FKRP: variants seen among roughly 807,000 people sequenced by gnomAD.
The protein encoded by FKRP is ribitol 5-phosphate transferase FKRP.
A neutral mutation model predicts 30.6 loss-of-function variants in FKRP; 25 were observed. The ratio of observed to expected loss-of-function variants is 0.82; its 90% CI spans 0.60 to 1.14. The LOEUF (loss-of-function observed/expected upper bound fraction) is 1.14. Among genes scored for constraint, FKRP ranks in the 50% most tolerant of loss-of-function variants. The pLI is 0.00. For missense variants in FKRP, 771 were observed against 727.8 expected (o/e 1.06, Z -0.68); for synonymous variants, 358 against 342.5 (o/e 1.05, Z -0.50).
chr19:46,749,408 C>CTTTTTTTTTTTT (rs34544320), intron 3 of FKRP, among the ~76,000 whole-genome samples: 1 of 114,852 alleles, frequency 8.7e-6, no homozygotes, highest in Non-Finnish European at 1.7e-5. Context: ...CCTTTGTTTC[C>CTTTTTTTTTTTT]TTTTTTTTTT....
chr19:46,756,461 C>T lies in FKRP; in HGVS notation c.1011C>T (p.Gly337=). ...RYVVGVLEAA[G]VRYWLEGGSL... is the part of the protein sequence containing the mutation. ...TGGTGGGCGTGCTGGAGGCTGCGGG[C>T]GTGCGCTACTGGCTCGAGGGCGGCT... Residue 337 remains glycine, a synonymous_variant, in exon 4 of 4, where the codon GGC becomes GGT. Transcript: ENST00000318584. The surrounding 1 kb of genome is among the most constrained non-coding windows in gnomAD (Gnocchi z 6.6). 2 of 1,581,442 alleles carry T rather than the reference C, an allele frequency of 1.3e-6. No homozygotes were observed. Among genetic ancestry groups the T allele is most frequent in the African/African-American group, 1.3e-5 (1 of 74,540 alleles).
intron 1 of FKRP, chr19:46,747,560 AT>A (rs1193779222): frequency 2.7e-5 from 4 of 148,668 alleles, no homozygotes; most frequent in Non-Finnish European, 4.5e-5. Context: ...CGCCCGGCTA[AT>A]TTTTTTTTTA....
chr19:46,756,435 G>C lies in FKRP; in HGVS notation c.985G>C (p.Val329Leu). The change falls in exon 4 of 4, where the codon GTG becomes CTG. Residue 329 changes from valine to leucine, a missense_variant. Physicochemically the swap from Val to Leu is conservative, Grantham distance 32. Coordinates refer to ENST00000318584, the MANE Select transcript of FKRP (RefSeq NM_024301.5). The surrounding 1 kb of genome is among the most constrained non-coding windows in gnomAD (Gnocchi z 6.6). ...CGCGCTGCGCGAGACCGCCCGCTAT[G>C]TGGTGGGCGTGCTGGAGGCTGCGGG... is the stretch of plus-strand genomic sequence containing the variant. ...LRALRETARY[V>L]VGVLEAAGVR... The C allele has an allele frequency of 6.3e-7, 1 of 1,585,392 alleles. No homozygotes were observed. The highest frequency in any genetic ancestry group is 8.6e-7 in the Non-Finnish European group (1 of 1,166,184).
chr19:46,754,328 G>GCGCCCAGCC (rs2054856462), intron 3 of FKRP: 3 of 150,052 alleles, frequency 2.0e-5, no homozygotes, highest in African/African-American at 7.4e-5. Context: ...GTGAGTCACT[G>GCGCCCAGCC]TACCTGGCCC....
In FKRP at chr19:46,755,519, T is replaced by C. The variant is rs954656663; in HGVS notation, c.69T>C (p.Tyr23=). The part of the protein sequence containing the change: ...AITLNLLVLF[Y]VSWLQHQPRN... ...CCCTCAACCTTCTGGTCCTCTTCTATGTCTCGTGGCTGCAGCACCAGCCTA... is the reference window on the plus strand; with the variant it reads ...CCCTCAACCTTCTGGTCCTCTTCTACGTCTCGTGGCTGCAGCACCAGCCTA... The change falls in exon 4 of 4, where the codon TAT becomes TAC. Residue 23 remains tyrosine (Y), a synonymous_variant. Transcript: ENST00000318584. 1.9e-6 allele frequency: 3 copies of C among 1,610,782 alleles called. No individual in the cohort carries two copies. Among genetic ancestry groups the C allele is most frequent in the Non-Finnish European group, 2.5e-6 (3 of 1,178,942 alleles).
At position 46,756,078 on chromosome 19, in the gene FKRP, C is replaced by G. The variant is rs778472624; in HGVS notation, c.628C>G (p.Leu210Val). ...VLLRARDLFN[L>V]SAPLARPVGT... ...CCTGCGCGCCCGCGACCTCTTCAAC[C>G]TCTCGGCGCCCCTGGCCCGGCCGGT... Residue 210 changes from leucine to valine, a missense_variant, in exon 4 of 4, where the codon CTC (leucine) becomes GTC (valine). By Grantham distance (32) the Leu-to-Val change is conservative (BLOSUM62 1). Transcript: ENST00000318584. The surrounding 1 kb of genome is among the most constrained non-coding windows in gnomAD (Gnocchi z 6.6). The G allele has an allele frequency of 3.5e-5, 54 of 1,560,250 alleles. No individual in the cohort carries two copies. Among genetic ancestry groups the G allele is most frequent in the Non-Finnish European group, 4.5e-5 (52 of 1,162,388 alleles).
chr19:46,745,624 C>T (rs910586614), upstream of FKRP: 1 of 152,478 alleles, frequency 6.6e-6, no homozygotes, highest in East Asian at 1.9e-4. Flanking sequence ...TGGACGCTCC[C>T]ACCTCCAACC....
At chr19:46,746,405 G>A in intron 1 of FKRP, 3 of 1,052,072 alleles carry the variant, frequency 2.9e-6, no homozygotes, top group Non-Finnish European at 3.4e-6. Context: ...GGCGGCGACC[G>A]CGGCGGCCGC....
At chr19:46,749,395 G>A (rs941804113) in intron 3 of FKRP, among the ~76,000 whole-genome samples, 1 of 147,130 alleles carries the variant, frequency 6.8e-6, no homozygotes, top group African/African-American at 2.5e-5. Context: ...TTAACTCTCT[G>A]TGCCTTTGTT....
In FKRP at chr19:46,746,104, G is replaced by GGGCCA. The variant is rs2122467573; in HGVS notation, c.-253+18_-253+19insAGGCC. On this transcript the variant is annotated intron_variant, in intron 1 of 3. Coordinates refer to ENST00000318584, the MANE Select transcript of FKRP (RefSeq NM_024301.5). ...CGGCGGCAGCGGGTGAGGCCGGGCC[G>GGGCCA]GGCCGGGCCGGGTTGGGGGTCGGGG... 2 of 1,421,266 alleles carry GGGCCA rather than the reference G, an allele frequency of 1.4e-6. No individual in the cohort carries two copies. The highest frequency in any genetic ancestry group is 1.8e-6 in the Non-Finnish European group (2 of 1,087,982). 88.0% of individuals were successfully genotyped at this position (1,421,266 alleles called of 1,614,324 possible).
In FKRP at chr19:46,755,564, G is replaced by T. The variant is rs878855079; in HGVS notation, c.114G>T (p.Gly38=). 1 of 1,605,974 alleles carries T rather than the reference G, an allele frequency of 6.2e-7. No homozygotes were observed. The highest frequency in any genetic ancestry group is 1.1e-5 in the South Asian group (1 of 89,948). The change falls in exon 4 of 4, where the codon GGG becomes GGT. Residue 38 remains glycine (G), a synonymous_variant. Transcript: ENST00000318584. ...QHQPRNSRAR[G]PRRASAAGPR... The stretch of plus-strand genomic sequence containing the variant: ...AGCCTAGGAATTCCCGGGCCCGGGG[G>T]CCCCGTCGTGCCTCTGCTGCCGGCC...
In FKRP at chr19:46,756,794, G is replaced by T. The variant is rs754446767; in HGVS notation, c.1344G>T (p.Pro448=). 2 of 1,600,962 alleles carry T rather than the reference G, an allele frequency of 1.2e-6. No homozygotes were observed. Among genetic ancestry groups the T allele is most frequent in the South Asian group, 2.2e-5 (2 of 89,412 alleles). ...DVEFPEHFLQ[P]LVPLPFAGFV... ...AGTTTCCCGAGCACTTCCTGCAGCC[G>T]CTGGTGCCCCTGCCCTTTGCCGGCT... Residue 448 remains proline (P), a synonymous_variant, in exon 4 of 4, where the codon CCG becomes CCT. Transcript: ENST00000318584. The surrounding 1 kb of genome is among the most constrained non-coding windows in gnomAD (Gnocchi z 6.6).
chr19:46,746,559 C>T (rs2054637175), intron 1 of FKRP: 2 of 395,314 alleles, frequency 5.1e-6, no homozygotes, highest in African/African-American at 2.2e-5. Context: ...GAAGGGGGGC[C>T]GGCGGCGAGC....
At chr19:46,753,427 C>T (rs1194388871) in intron 3 of FKRP, among the ~76,000 whole-genome samples, 2 of 142,164 alleles carry the variant, frequency 1.4e-5, no homozygotes, top group Non-Finnish European at 3.0e-5. Context: ...CACTGCACTC[C>T]AGCCTGGGCA....
chr19:46,756,238 C>T lies in FKRP; in HGVS notation c.788C>T (p.Ala263Val), dbSNP rs2122623716. Residue 263 changes from alanine to valine, a missense_variant, in exon 4 of 4, where the codon GCT (alanine) becomes GTT (valine). Coordinates refer to ENST00000318584, the MANE Select transcript of FKRP (RefSeq NM_024301.5). The surrounding 1 kb of genome is among the most constrained non-coding windows in gnomAD (Gnocchi z 6.6). The stretch of plus-strand genomic sequence containing the variant: ...TGGAAGGCTGAGCGCGAGGGACGCG[C>T]TCGGCGGGCGGCGCTGCTCCGCGCG... ...ARWKAEREGR[A>V]RRAALLRALG... 6.9e-7 allele frequency: 1 copy of T among 1,444,234 alleles called. No individual in the cohort carries two copies. Among genetic ancestry groups the T allele is most frequent in the Non-Finnish European group, 9.1e-7 (1 of 1,104,422 alleles). 89.5% of individuals were successfully genotyped at this position (1,444,234 alleles called of 1,614,324 possible).
upstream of FKRP, among the ~76,000 whole-genome samples, chr19:46,744,962 C>T (rs2054549538): frequency 6.6e-6 from 1 of 152,092 alleles, no homozygotes; most frequent in Non-Finnish European, 1.5e-5. Flanking sequence ...CATTCAACAT[C>T]CCTGTCCCAA....
At chr19:46,746,499 C>G (rs1391641539) in intron 1 of FKRP, 2 of 853,756 alleles carry the variant, frequency 2.3e-6, no homozygotes, top group Non-Finnish European at 2.8e-6. Flanking sequence ...CAACACCCCC[C>G]CCCCTCCCCC....
rs201076863 is a variant in FKRP, at chr19:46,756,686, C to G, written c.1236C>G (p.His412Gln). Reference sequence around the variant, plus strand: ...GCGTGCAGTACAGCGAAAGCAACCACTTGCACGTGGACCTGTGGCCCTTCT... The same window carrying G: ...GCGTGCAGTACAGCGAAAGCAACCAGTTGCACGTGGACCTGTGGCCCTTCT... ...FFRVQYSESN[H>Q]LHVDLWPFYP... The change falls in exon 4 of 4, where the codon CAC becomes CAG. Residue 412 changes from histidine to glutamine, a missense_variant. His to Gln is a conservative substitution (Grantham distance 24, BLOSUM62 0). Coordinates refer to ENST00000318584, the MANE Select transcript of FKRP (RefSeq NM_024301.5). This position sits in a 1 kb window ranked among gnomAD's most constrained non-coding sequence, Gnocchi z 6.6. 1.9e-6 allele frequency: 3 copies of G among 1,613,274 alleles called. No homozygotes were observed. The highest frequency in any genetic ancestry group is 2.5e-6 in the Non-Finnish European group (3 of 1,179,724).
intron 3 of FKRP, among the ~76,000 whole-genome samples, chr19:46,754,909 C>T (rs1252072474): frequency 6.6e-6 from 1 of 151,996 alleles, no homozygotes; most frequent in Non-Finnish European, 1.5e-5. Flanking sequence ...CCCAGCCTAA[C>T]CTTTTTTTTT....
Sources: allele counts gnomAD v4.1 joint callset (sites outside exome capture counted in the v4.1 genomes callset), GRCh38; gene constraint gnomAD v4.1.1; non-coding constraint Gnocchi (gnomAD v3.1); transcripts MANE v1.5; gene names NCBI Gene and HGNC (gene_info 2026-07-23, HGNC 2026-07-21).